CASR: variants seen among roughly 807,000 people sequenced by gnomAD.
CASR encodes extracellular calcium-sensing receptor.
In CASR, 23 loss-of-function variants were observed where a neutral mutation model predicts 69.1. That is an observed-to-expected ratio of 0.33 (90% CI 0.24 to 0.47). The LOEUF (loss-of-function observed/expected upper bound fraction) is 0.47, where lower values mean the gene tolerates loss of function less well. Among genes scored for constraint, CASR ranks in the 20% least tolerant of loss-of-function variants. The probability of loss-of-function intolerance (pLI) is 1.00; values close to 1 mark genes in which losing one functional copy is unlikely to be tolerated. For missense variants in CASR, 924 were observed against 1,356.1 expected, an observed-to-expected ratio of 0.68 and a Z score of 5.00; for synonymous variants, 541 against 544.7, an observed-to-expected ratio of 0.99 and a Z score of 0.10.
intron 1 of CASR, 115 bp from the exon 2 acceptor site, chr3:122,253,833 G>A (rs1480049550): frequency 2.1e-5 from 6 of 289,926 alleles, no homozygotes; most frequent in African/African-American, 1.3e-4. Context: ...GGCCTTTTCA[G>A]TCTGCCACCC....
chr3:122,247,597 T>G (rs1451853804), intron 1 of CASR: 2 of 152,256 alleles, frequency 1.3e-5, no homozygotes, highest in East Asian at 1.9e-4. Context: ...GTGGGCTATG[T>G]CGCCAGCAAC....
chr3:122,261,104 A>C (rs2074616045), intron 3 of CASR, among the ~76,000 whole-genome samples: 1 of 152,252 alleles, frequency 6.6e-6, no homozygotes, highest in Non-Finnish European at 1.5e-5. Flanking sequence ...TTCAGATCAG[A>C]AGCTGAGCCC....
At chr3:122,205,351 T>C (rs2073996709) in intron 1 of CASR, among the ~76,000 whole-genome samples, 1 of 152,144 alleles carries the variant, frequency 6.6e-6, no homozygotes, top group African/African-American at 2.4e-5. Context: ...CCCCATTGTA[T>C]GTTTGTGGCA....
At chr3:122,241,753 T>C (rs1041717822) in intron 1 of CASR, among the ~76,000 whole-genome samples, 2 of 152,154 alleles carry the variant, frequency 1.3e-5, no homozygotes, top group African/African-American at 4.8e-5. Flanking sequence ...CCAACATCTC[T>C]GATGAATATT....
At chr3:122,266,769 C>A (rs990702803) in intron 4 of CASR, among the ~76,000 whole-genome samples, 2 of 152,044 alleles carry the variant, frequency 1.3e-5, no homozygotes, top group Non-Finnish European at 2.9e-5. Flanking sequence ...CTTTGGGAGG[C>A]CACAGTGGGT....
Position 122,284,984 on chromosome 3 carries a change from C to T in CASR, c.3030C>T (p.His1010=), listed in dbSNP as rs764694608. The T allele has an allele frequency of 6.2e-7, 1 of 1,614,208 alleles. No individual in the cohort carries two copies. The highest frequency in any genetic ancestry group is 1.1e-5 in the South Asian group (1 of 91,082). ...AQKSSDTLTR[H]EPLLPLQCGE... is the part of the protein sequence containing the mutation. ...AAAGCAGCGATACGCTGACCCGACACGAGCCATTACTCCCGCTGCAGTGCG... is the reference window on the plus strand; with the variant it reads ...AAAGCAGCGATACGCTGACCCGACATGAGCCATTACTCCCGCTGCAGTGCG... The change falls in exon 7 of 7, where the codon CAC becomes CAT. Residue 1010 remains histidine, a synonymous_variant. Transcript: ENST00000639785.
intron 1 of CASR, among the ~76,000 whole-genome samples, chr3:122,206,464 G>T (rs2107591897): frequency 2.0e-5 from 3 of 151,902 alleles, no homozygotes; most frequent in Middle Eastern, 6.8e-3. Flanking sequence ...ATGTGTTGTT[G>T]CATTCATTGT....
chr3:122,230,294 A>G lies in CASR; in HGVS notation c.-242-23654A>G, dbSNP rs563712030. 5.9e-5 allele frequency among the ~76,000 whole-genome samples: 9 copies of G among 152,358 alleles called. No individual in the cohort carries two copies. The East Asian group carries it at 1.7e-3, about 29-fold the overall frequency. ...GCCTCGCGGTGAGGGCCAGAACCCAAGTCCAGGGAAAACGCTCCTTTAGCG... is the reference window on the plus strand; with the variant it reads ...GCCTCGCGGTGAGGGCCAGAACCCAGGTCCAGGGAAAACGCTCCTTTAGCG... On this transcript the variant is annotated intron_variant, in intron 1 of 6. Coordinates refer to ENST00000639785, the MANE Select transcript of CASR (RefSeq NM_000388.4).
chr3:122,285,387 C>T lies in CASR; in HGVS notation c.*196C>T, dbSNP rs2074958292. 4 of 584,212 alleles carry T rather than the reference C, an allele frequency of 6.8e-6. No homozygotes were observed. The highest frequency in any genetic ancestry group is 1.2e-5 in the Non-Finnish European group (4 of 329,952). The allele number at this position is 584,212 out of a possible 1,614,324, so 36.2% of individuals were successfully genotyped here. On this transcript the variant is annotated 3_prime_UTR_variant, in exon 7 of 7. Transcript: ENST00000639785. ...CTTTAAAATTAAAAAAAAGAAGAGC[C>T]TTGTGTTTCTGTGGTTGCATTTGTC...
chr3:122,279,221 G>T (rs749889651), intron 5 of CASR, among the ~76,000 whole-genome samples: 4 of 152,156 alleles, frequency 2.6e-5, no homozygotes, highest in Non-Finnish European at 4.4e-5. Flanking sequence ...ATTATGGAGT[G>T]CTATATCACT....
chr3:122,264,007 C>T (rs1158772765), intron 4 of CASR, among the ~76,000 whole-genome samples: 3 of 151,740 alleles, frequency 2.0e-5, no homozygotes, highest in African/African-American at 4.8e-5. Flanking sequence ...GAAGGAAAAA[C>T]AGGCTTCAAG....
rs1422015826 is a variant in CASR at position 122,261,618 on chromosome 3, A to G, written c.583A>G (p.Thr195Ala). ...RTIPNDEHQATAMADIIEYFR... is the reference protein window; with the variant it reads ...RTIPNDEHQAAAMADIIEYFR... ...CATCCCCAATGATGAGCACCAGGCC[A>G]CTGCCATGGCAGACATCATCGAGTA... Residue 195 changes from threonine to alanine, a missense_variant, in exon 4 of 7, where the codon ACT becomes GCT. Transcript: ENST00000639785. The G allele has an allele frequency of 6.2e-7, 1 of 1,614,186 alleles. No individual in the cohort carries two copies. Among genetic ancestry groups the G allele is most frequent in the Non-Finnish European group, 8.5e-7 (1 of 1,179,992 alleles).
chr3:122,188,414 G>A (rs1458758142), intron 1 of CASR, among the ~76,000 whole-genome samples: 1 of 152,066 alleles, frequency 6.6e-6, no homozygotes, highest in Non-Finnish European at 1.5e-5. Context: ...AGTGATCTTG[G>A]GATAGAAAAG....
chr3:122,274,571 G>T (rs1473061058), intron 4 of CASR, among the ~76,000 whole-genome samples: 3 of 152,186 alleles, frequency 2.0e-5, no homozygotes, highest in Non-Finnish European at 2.9e-5. Context: ...TGTTGTCCCA[G>T]TGTGAGATTA....
intron 1 of CASR, among the ~76,000 whole-genome samples, chr3:122,217,009 G>A (rs1301873809): frequency 6.6e-6 from 1 of 152,182 alleles, no homozygotes; most frequent in Non-Finnish European, 1.5e-5. Flanking sequence ...CATCCACGTG[G>A]AGCTGACTGT....
intron 1 of CASR, among the ~76,000 whole-genome samples, chr3:122,230,451 G>A (rs1371968407): frequency 1.3e-5 from 2 of 152,240 alleles, no homozygotes; most frequent in Non-Finnish European, 1.5e-5. Context: ...GGACGCAGGA[G>A]CAGCGGGGGC....
At position 122,284,247 on chromosome 3, in the gene CASR, T is replaced by C. The variant is rs1363412937; in HGVS notation, c.2293T>C (p.Cys765Arg). The change falls in exon 7 of 7, where the codon TGC (cysteine) becomes CGC (arginine). Residue 765 changes from cysteine to arginine, a missense_variant. Around this residue, in one of 8 missense-constraint regions of CASR, gnomAD observed 184 missense variants for 278.8 expected, o/e 0.66. Coordinates refer to ENST00000639785, the MANE Select transcript of CASR (RefSeq NM_000388.4). ...ELEDEIIFIT[C>R]HEGSLMALGF... ...GGAGGATGAGATCATCTTCATCACGTGCCACGAGGGCTCCCTCATGGCCCT... is the reference window on the plus strand; with the variant it reads ...GGAGGATGAGATCATCTTCATCACGCGCCACGAGGGCTCCCTCATGGCCCT... 1.2e-6 allele frequency: 2 copies of C among 1,614,122 alleles called. No individual in the cohort carries two copies. Among genetic ancestry groups the C allele is most frequent in the Non-Finnish European group, 1.7e-6 (2 of 1,180,036 alleles).
chr3:122,203,989 T>C (rs1331334148), intron 1 of CASR, among the ~76,000 whole-genome samples: 1 of 152,186 alleles, frequency 6.6e-6, no homozygotes, highest in Non-Finnish European at 1.5e-5. Context: ...TAGACATACA[T>C]AGTTTGTGGA....
intron 1 of CASR, among the ~76,000 whole-genome samples, chr3:122,208,194 T>C (rs910091939): frequency 2.0e-5 from 3 of 152,180 alleles, no homozygotes; most frequent in African/African-American, 7.2e-5. Flanking sequence ...GATTCTTTTA[T>C]ACTTTATATC....
Sources: gnomAD v4.1 joint callset for allele counts (sites outside exome capture counted in the v4.1 genomes callset) on GRCh38, gnomAD v4.1.1 for gene constraint, gnomAD v4.1.1 regional missense constraint, MANE v1.5 for transcripts, NCBI Gene and HGNC (gene_info 2026-07-23, HGNC 2026-07-21) for gene names.